ACSL1: variants seen among roughly 807,000 people sequenced by gnomAD.
ACSL1 encodes the protein long-chain-fatty-acid--CoA ligase 1.
In ACSL1, 41 loss-of-function variants were observed where a neutral mutation model predicts 98.4. That is an observed-to-expected ratio of 0.42 (90% CI 0.32 to 0.54). The LOEUF (loss-of-function observed/expected upper bound fraction) is 0.54, where lower values mean the gene tolerates loss of function less well. ACSL1 is among the 20% of genes least tolerant of loss of function. The pLI is 0.13. For synonymous variants in ACSL1, 316 were observed against 322.7 expected (o/e 0.98, Z 0.22); for missense variants, 734 against 883.1 (o/e 0.83, Z 2.14).
At chr4:184,779,615 G>C (rs546214318) in intron 5 of ACSL1, among the ~76,000 whole-genome samples, 181 of 152,204 alleles carry the variant, frequency 1.2e-3, no homozygotes, top group African/African-American at 4.1e-3. Flanking sequence ...CAACCAGAGG[G>C]AAAGCCTCAT....
At chr4:184,818,843 G>A (rs1433822747) in intron 1 of ACSL1, among the ~76,000 whole-genome samples, 1 of 152,150 alleles carries the variant, frequency 6.6e-6, no homozygotes, top group African/African-American at 2.4e-5. Flanking sequence ...AAAAGACACA[G>A]GCCAGTGCAC....
intron 1 of ACSL1, chr4:184,813,884 G>C (rs1191937116): frequency 2.2e-6 from 1 of 456,144 alleles, no homozygotes; most frequent in East Asian, 6.9e-5. Context: ...AGCTCCACTT[G>C]TTTGAGAAAC....
chr4:184,801,273 G>A (rs1461032033), intron 2 of ACSL1, among the ~76,000 whole-genome samples: 2 of 152,184 alleles, frequency 1.3e-5, no homozygotes, highest in Non-Finnish European at 2.9e-5. Context: ...ATGAGAAGTG[G>A]CCAAACCAAA....
chr4:184,810,317 G>T (rs772836002), intron 1 of ACSL1, among the ~76,000 whole-genome samples: 1 of 152,198 alleles, frequency 6.6e-6, no homozygotes, highest in African/African-American at 2.4e-5. Flanking sequence ...CTCTCTCCCC[G>T]AGGCTGTTCC....
At chr4:184,791,207 C>G (rs1042428873) in intron 2 of ACSL1, among the ~76,000 whole-genome samples, 2 of 152,250 alleles carry the variant, frequency 1.3e-5, no homozygotes, top group African/African-American at 4.8e-5. Flanking sequence ...ACACCACTTT[C>G]TGCACTCTGC....
intron 2 of ACSL1, among the ~76,000 whole-genome samples, chr4:184,792,099 G>A (rs1313311840): frequency 6.6e-6 from 1 of 152,086 alleles, no homozygotes; most frequent in African/African-American, 2.4e-5. Context: ...GAAACATGGA[G>A]GCAAACAAGC....
Position 184,825,373 on chromosome 4 carries a change from T to G in ACSL1, c.-33+543A>C. The G allele has an allele frequency of 2.1e-6, 1 of 471,072 alleles. No individual in the cohort carries two copies. The highest frequency in any genetic ancestry group is 2.8e-6 in the Non-Finnish European group (1 of 360,136). The allele number at this position is 471,072 out of a possible 1,614,324, so 29.2% of individuals were successfully genotyped here. On this transcript the variant is annotated intron_variant, in intron 1 of 20. Coordinates refer to ENST00000281455, the MANE Select transcript of ACSL1 (RefSeq NM_001995.5). This position sits in a 1 kb window ranked among gnomAD's most constrained non-coding sequence, Gnocchi z 4.7. ...GAGTCACCGAGAGAATGTCTGCCTC[T>G]GGCAGCGGCCTCTGAGCTGCCTGTG...
chr4:184,776,824 A>C (rs1379582943), intron 6 of ACSL1, 60 bp downstream of exon 6: 3 of 1,565,236 alleles, frequency 1.9e-6, no homozygotes, highest in Non-Finnish European at 2.6e-6. Context: ...AAGCAAATGT[A>C]AAGTCACTGA....
At chr4:184,782,742 T>C (rs938874109) in intron 4 of ACSL1, among the ~76,000 whole-genome samples, 1 of 151,878 alleles carries the variant, frequency 6.6e-6, no homozygotes, top group Non-Finnish European at 1.5e-5. Flanking sequence ...ACAGGGGAGG[T>C]GTGAGAAGTT....
intron 2 of ACSL1, among the ~76,000 whole-genome samples, chr4:184,793,438 G>A (rs969975211): frequency 6.6e-6 from 1 of 152,196 alleles, no homozygotes; most frequent in Non-Finnish European, 1.5e-5. Context: ...ACAGGAACGC[G>A]ATGGCCAGTT....
chr4:184,814,836 C>T (rs1275094050), intron 1 of ACSL1, among the ~76,000 whole-genome samples: 5 of 152,152 alleles, frequency 3.3e-5, no homozygotes, highest in East Asian at 3.9e-4. Context: ...ACGCTGGACC[C>T]GGCTCAGCCA....
At chr4:184,778,816 A>G (rs1346858886) in intron 5 of ACSL1, among the ~76,000 whole-genome samples, 3 of 152,148 alleles carry the variant, frequency 2.0e-5, no homozygotes, top group African/African-American at 7.2e-5. Context: ...ATCAAAACAA[A>G]CATTTTGATG....
chr4:184,808,418 T>C (rs1013311710), intron 1 of ACSL1: 3 of 985,346 alleles, frequency 3.0e-6, no homozygotes, highest in Admixed American at 6.1e-5. Flanking sequence ...AATACTTCAC[T>C]AGGAATGCAG....
intron 16 of ACSL1, 52 bp downstream of exon 16, chr4:184,763,115 A>G: frequency 3.2e-6 from 5 of 1,579,428 alleles, no homozygotes; most frequent in Non-Finnish European, 4.3e-6. Flanking sequence ...CGCAAAGGCC[A>G]GCGATCACAG....
At position 184,793,540 on chromosome 4, in the gene ACSL1, G is replaced by A. The variant is rs58195954; in HGVS notation, c.196-4809C>T. Among the ~76,000 whole-genome samples, 681 of 152,342 alleles carry A rather than the reference G, an allele frequency of 4.5e-3. 3 individuals carry two copies. Among genetic ancestry groups the A allele is most frequent in the African/African-American group, 0.016 (651 of 41,584 alleles). ...AGAAGCCCAAGCTTTACCACTCATA[G>A]ACTCATTCATCTCCATCTCCAAATG... On this transcript the variant is annotated intron_variant, in intron 2 of 20. Transcript: ENST00000281455.
intron 1 of ACSL1, among the ~76,000 whole-genome samples, chr4:184,811,698 T>G (rs1297929438): frequency 6.6e-6 from 1 of 151,972 alleles, no homozygotes; most frequent in Non-Finnish European, 1.5e-5. Flanking sequence ...AGAGTTTCAA[T>G]TCGGGATGAC....
At chr4:184,771,850 C>T (rs750483845) in intron 10 of ACSL1, among the ~76,000 whole-genome samples, 8 of 152,252 alleles carry the variant, frequency 5.3e-5, no homozygotes, top group African/African-American at 1.4e-4. Context: ...CCCAGAAGCA[C>T]TGGATGTGGG....
At chr4:184,812,474 G>A (rs752710857) in intron 1 of ACSL1, among the ~76,000 whole-genome samples, 11 of 152,088 alleles carry the variant, frequency 7.2e-5, no homozygotes, top group Non-Finnish European at 1.0e-4. Context: ...CTCCTACACC[G>A]CACACCAGAA....
intron 1 of ACSL1, chr4:184,820,951 T>C: frequency 4.5e-6 from 2 of 447,822 alleles, no homozygotes; most frequent in Non-Finnish European, 9.0e-6. Context: ...AGCCCAGCAA[T>C]TAGGAGCACA....
Sources: allele counts gnomAD v4.1 joint callset (sites outside exome capture counted in the v4.1 genomes callset), GRCh38; gene constraint gnomAD v4.1.1; non-coding constraint Gnocchi (gnomAD v3.1); transcripts MANE v1.5; gene names NCBI Gene and HGNC (gene_info 2026-07-23, HGNC 2026-07-21).